The following PHLDB3 variants were observed in gnomAD, a reference collection of about 807,000 sequenced individuals.
The protein encoded by PHLDB3 is pleckstrin homology-like domain family B member 3.
PHLDB3 carries 86 observed loss-of-function variants against 85.7 expected under a neutral mutation model. The ratio of observed to expected loss-of-function variants is 1.00; its 90% CI spans 0.84 to 1.20. The LOEUF (loss-of-function observed/expected upper bound fraction) is 1.20. Ranked by LOEUF, PHLDB3 falls within the 50% of genes most tolerant of loss-of-function variation. The pLI, the probability that PHLDB3 is intolerant of heterozygous loss-of-function variation, is 0.00. For synonymous variants in PHLDB3, 376 were observed against 349.8 expected, an observed-to-expected ratio of 1.07 and a Z score of -0.83; for missense variants, 995 against 873.0, an observed-to-expected ratio of 1.14 and a Z score of -1.76.
At chr19:43,492,368 G>T (rs558058732) in intron 9 of PHLDB3, among the ~76,000 whole-genome samples, 1 of 152,106 alleles carries the variant, frequency 6.6e-6, no homozygotes, top group South Asian at 2.1e-4. Context: ...TTACAGGCAT[G>T]AGCTGACGCA....
At chr19:43,488,151 C>T (rs145094378) in intron 9 of PHLDB3, among the ~76,000 whole-genome samples, 191 of 148,984 alleles carry the variant, frequency 1.3e-3, no homozygotes, top group East Asian at 8.7e-3. Flanking sequence ...GAGACTCTGT[C>T]GCAAAAAAAA....
chr19:43,487,125 T>A lies in PHLDB3; in HGVS notation c.1150-2A>T. 6.4e-7 allele frequency: 1 copy of A among 1,556,692 alleles called. No homozygotes were observed. Among genetic ancestry groups the A allele is most frequent in the East Asian group, 2.4e-5 (1 of 41,522 alleles). Reference sequence around the variant, plus strand: ...AGTCCTCTGGAGGCCAATGGAGCCCTGAAAACACAAAAGGCTCATGAGCAT... The same window carrying A: ...AGTCCTCTGGAGGCCAATGGAGCCCAGAAAACACAAAAGGCTCATGAGCAT... On this transcript the variant is annotated splice_acceptor_variant, in intron 9 of 15. Coordinates refer to ENST00000292140, the MANE Select transcript of PHLDB3 (RefSeq NM_198850.4). LOFTEE classifies it high-confidence loss of function.
chr19:43,489,643 T>C (rs997603719), intron 9 of PHLDB3, among the ~76,000 whole-genome samples: 1 of 152,002 alleles, frequency 6.6e-6, no homozygotes, highest in East Asian at 1.9e-4. Context: ...ACATGACAAC[T>C]AAATGCAACC....
At position 43,487,017 on chromosome 19, in the gene PHLDB3, T is replaced by C; in HGVS notation, c.1249+7A>G. The C allele has an allele frequency of 6.5e-7, 1 of 1,546,066 alleles. No homozygotes were observed. The highest frequency in any genetic ancestry group is 8.7e-7 in the Non-Finnish European group (1 of 1,149,136). The stretch of plus-strand genomic sequence containing the variant: ...GGGAAGGAAGTGGGGAACAGGGGGA[T>C]CCTCACCAGTACAATGGAAGGACAG... On this transcript the variant is annotated splice_region_variant and intron_variant, in intron 10 of 15. Transcript: ENST00000292140.
At chr19:43,476,385 C>T (rs1368279250) in intron 15 of PHLDB3, among the ~76,000 whole-genome samples, 1 of 152,172 alleles carries the variant, frequency 6.6e-6, no homozygotes, top group Non-Finnish European at 1.5e-5. Context: ...TGGCTCACGC[C>T]TGCAATCCCA....
At position 43,486,762 on chromosome 19, in the gene PHLDB3, T is replaced by C. The variant is rs1971172266; in HGVS notation, c.1340+18A>G. ...GGGCCTCTTCTTCCATCTCCCCACCTTCTCTCTGATGTCTCACCTATTCCC... is the reference window on the plus strand; with the variant it reads ...GGGCCTCTTCTTCCATCTCCCCACCCTCTCTCTGATGTCTCACCTATTCCC... On this transcript the variant is annotated intron_variant, in intron 11 of 15. Transcript: ENST00000292140. 6.2e-7 allele frequency: 1 copy of C among 1,609,106 alleles called. No individual in the cohort carries two copies. The highest frequency in any genetic ancestry group is 2.2e-5 in the East Asian group (1 of 44,850).
chr19:43,502,614 CTTTTTTTTT>C (rs71336869), intron 2 of PHLDB3, among the ~76,000 whole-genome samples: 3 of 114,796 alleles, frequency 2.6e-5, no homozygotes, highest in African/African-American at 7.1e-5. Flanking sequence ...ACGCCAAGCT[CTTTTTTTTT>C]TTTTTTTTTT....
chr19:43,485,317 A>G (rs4803634), intron 13 of PHLDB3, among the ~76,000 whole-genome samples: 8,414 of 151,308 alleles, frequency 0.056, 393 homozygotes, highest in Admixed American at 0.14. Context: ...GGTTCAAGCA[A>G]TTCTCTGCCT....
In PHLDB3 at chr19:43,475,420, T is replaced by C; in HGVS notation, c.1913A>G (p.His638Arg). 1 of 1,613,690 alleles carries C rather than the reference T, an allele frequency of 6.2e-7. No individual in the cohort carries two copies. Among genetic ancestry groups the C allele is most frequent in the Non-Finnish European group, 8.5e-7 (1 of 1,179,752 alleles). The change falls in exon 16 of 16, where the codon CAC becomes CGC. Residue 638 changes from histidine to arginine, a missense_variant. His to Arg is a conservative substitution (Grantham distance 29). Coordinates refer to ENST00000292140, the MANE Select transcript of PHLDB3 (RefSeq NM_198850.4). The stretch of plus-strand genomic sequence containing the variant: ...AGAGGGCGGGGCCACTCAGGGGGCG[T>C]GGTTTTCGTCAGCGGCGGTCACGAT... ...DVIVTAADEN[H>R]AP
At chr19:43,502,736 A>C (rs909723964) in intron 2 of PHLDB3, among the ~76,000 whole-genome samples, 9 of 150,654 alleles carry the variant, frequency 6.0e-5, no homozygotes, top group African/African-American at 2.2e-4. Context: ...GATTACAGGC[A>C]TAAGCCACCG....
At chr19:43,481,689 G>C (rs1264384936) in intron 13 of PHLDB3, among the ~76,000 whole-genome samples, 1 of 151,880 alleles carries the variant, frequency 6.6e-6, no homozygotes, top group African/African-American at 2.4e-5. Context: ...GGCTAATTAG[G>C]AGGCTGAGGT....
At chr19:43,493,280 G>A (rs867362713) in intron 9 of PHLDB3, among the ~76,000 whole-genome samples, 1 of 133,748 alleles carries the variant, frequency 7.5e-6, no homozygotes. Context: ...CTCTGTCTCA[G>A]AATAAATAAA....
intron 9 of PHLDB3, among the ~76,000 whole-genome samples, chr19:43,487,591 A>AAAAAAAAAAAAAAAAAAAAAAAACC (rs1167897767): frequency 8.6e-6 from 1 of 115,768 alleles, no homozygotes; most frequent in Admixed American, 8.0e-5. Flanking sequence ...AAAAAAAAAA[A>AAAAAAAAAAAAAAAAAAAAAAAACC]ACACAGAAAA....
intron 13 of PHLDB3, among the ~76,000 whole-genome samples, chr19:43,482,378 G>T (rs996144418): frequency 3.9e-5 from 6 of 152,168 alleles, no homozygotes; most frequent in African/African-American, 1.4e-4. Context: ...TCACCTAGAG[G>T]TTCCTCTTCT....
chr19:43,479,489 C>T lies in PHLDB3; in HGVS notation c.1590G>A (p.Val530=), dbSNP rs1269880173. The T allele has an allele frequency of 2.6e-6, 4 of 1,559,062 alleles. No individual in the cohort carries two copies. Among genetic ancestry groups the T allele is most frequent in the Non-Finnish European group, 2.6e-6 (3 of 1,151,820 alleles). The change falls in exon 14 of 16, where the codon GTG becomes GTA. Residue 530 remains valine (V), a synonymous_variant. Coordinates refer to ENST00000292140, the MANE Select transcript of PHLDB3 (RefSeq NM_198850.4). The part of the protein sequence containing the change: ...HNPENCPHVQ[V]SGCCCRGPLV... ...GGGGTCCACGGCAGCAGCACCCAGA[C>T]ACCTGCACATGTGGGCAGTTTTCCG...
At chr19:43,486,221 A>G (rs1299324633) in intron 13 of PHLDB3, 45 bp downstream of exon 13, 6 of 1,449,774 alleles carry the variant, frequency 4.1e-6, no homozygotes, top group Non-Finnish European at 5.6e-6. Context: ...CAGGGGGAGA[A>G]ACAGAGCAGG....
At position 43,503,280 on chromosome 19, in the gene PHLDB3, GTCTCTCTC is replaced by G. The variant is rs57901463; in HGVS notation, c.213+618_213+625del. On this transcript the variant is annotated intron_variant, in intron 2 of 15. Coordinates refer to ENST00000292140, the MANE Select transcript of PHLDB3 (RefSeq NM_198850.4). ...GTAGTCTCTCCTGTCTGTCTATCTG[GTCTCTCTC>G]TCTCTCTCTCTCTCTCTCTCTCTCT... 7.6e-3 allele frequency among the ~76,000 whole-genome samples: 1,085 copies of G among 141,978 alleles called. 13 individuals carry two copies. Among genetic ancestry groups the G allele is most frequent in the African/African-American group, 0.022 (828 of 37,938 alleles). The allele number at this position is 141,978 out of a possible 152,430, so 93.1% of individuals were successfully genotyped here.
In PHLDB3 at chr19:43,503,976, C is replaced by G. The variant is rs1971684762; in HGVS notation, c.143G>C (p.Gly48Ala). The change falls in exon 2 of 16, where the codon GGG becomes GCG. Residue 48 changes from glycine (G) to alanine (A), a missense_variant. Coordinates refer to ENST00000292140, the MANE Select transcript of PHLDB3 (RefSeq NM_198850.4). Reference protein sequence around the residue: ...SEVLAEPSSRGGAEQQAEEEE... With the variant: ...SEVLAEPSSRAGAEQQAEEEE... ...TTCCTCTGCCTGCTGCTCAGCTCCC[C>G]CGCGGCTCGAAGGTTCCGCCAGGAC... The G allele has an allele frequency of 6.2e-7, 1 of 1,613,946 alleles. No homozygotes were observed. Among genetic ancestry groups the G allele is most frequent in the Non-Finnish European group, 8.5e-7 (1 of 1,179,814 alleles).
At chr19:43,486,549 T>C (rs1971162793) in intron 12 of PHLDB3, 60 bp downstream of exon 12, 4 of 1,551,876 alleles carry the variant, frequency 2.6e-6, no homozygotes, top group Non-Finnish European at 3.5e-6. Flanking sequence ...GTCTCCCAGG[T>C]CTGAGGGAGG....
Sources: gnomAD v4.1 joint callset for allele counts (sites outside exome capture counted in the v4.1 genomes callset) on GRCh38, gnomAD v4.1.1 for gene constraint, MANE v1.5 for transcripts, NCBI Gene and HGNC (gene_info 2026-07-23, HGNC 2026-07-21) for gene names.